Variants in IL1RAPL1 observed in about 807,000 individuals in gnomAD.
IL1RAPL1 encodes the protein interleukin-1 receptor accessory protein-like 1.
A neutral mutation model predicts 48.4 loss-of-function variants in IL1RAPL1; 3 were observed. The observed-to-expected ratio is 0.06, with a 90% CI of 0.03 to 0.16. IL1RAPL1 has a LOEUF of 0.16. Ranked by LOEUF, IL1RAPL1 falls within the 10% of genes least tolerant of loss-of-function variation. IL1RAPL1 has a pLI of 1.00. For missense variants in IL1RAPL1, 349 were observed against 530.6 expected (o/e 0.66, Z 3.36); for synonymous variants, 185 against 187.7 (o/e 0.99, Z 0.12).
chrX:28,788,844 A>T (rs1181958022), intron 1 of IL1RAPL1, among the ~76,000 whole-genome samples: 3 of 111,593 alleles, frequency 2.7e-5, no homozygotes, highest in Non-Finnish European at 5.6e-5. Context: ...TTGAAAGAAA[A>T]TTATAAAATC....
At chrX:28,991,908 A>T (rs1198071493) in intron 2 of IL1RAPL1, among the ~76,000 whole-genome samples, 1 of 112,020 alleles carries the variant, frequency 8.9e-6, no homozygotes, top group Admixed American at 9.5e-5. Context: ...AATTATGTGA[A>T]TAATAAAATA....
intron 2 of IL1RAPL1, among the ~76,000 whole-genome samples, chrX:28,900,644 A>G: frequency 8.9e-6 from 1 of 112,453 alleles, no homozygotes; most frequent in Non-Finnish European, 1.9e-5. Flanking sequence ...ACCTTTTTCT[A>G]GTATGCTCCT....
At chrX:29,072,372 A>G (rs1310385476) in intron 2 of IL1RAPL1, among the ~76,000 whole-genome samples, 1 of 111,986 alleles carries the variant, frequency 8.9e-6, no homozygotes, top group African/African-American at 3.2e-5. Flanking sequence ...ACAGTATAAT[A>G]TTTTATTCTC....
At chrX:29,614,507 G>A (rs907273807) in intron 5 of IL1RAPL1, among the ~76,000 whole-genome samples, 1 of 112,257 alleles carries the variant, frequency 8.9e-6, no homozygotes, top group Non-Finnish European at 1.9e-5. Flanking sequence ...CTGTGAATTC[G>A]AATGAGAAAG....
At chrX:28,797,090 A>T (rs1936621660) in intron 2 of IL1RAPL1, among the ~76,000 whole-genome samples, 1 of 112,247 alleles carries the variant, frequency 8.9e-6, no homozygotes, top group Non-Finnish European at 1.9e-5. Flanking sequence ...TTTCAGCCAC[A>T]GCTGGAGCAG....
chrX:28,596,746 G>A (rs1261429531), intron 1 of IL1RAPL1, among the ~76,000 whole-genome samples: 1 of 111,574 alleles, frequency 9.0e-6, no homozygotes, highest in African/African-American at 3.3e-5. Context: ...TTGTTACATT[G>A]TATTTTTATT....
At chrX:29,339,021 C>A (rs896416038) in intron 3 of IL1RAPL1, among the ~76,000 whole-genome samples, 1 of 107,590 alleles carries the variant, frequency 9.3e-6, no homozygotes, top group Non-Finnish European at 1.9e-5. Context: ...TCGGCCCACC[C>A]GAGCCGCAGG....
At chrX:28,816,982 C>G (rs1209547455) in intron 2 of IL1RAPL1, among the ~76,000 whole-genome samples, 1 of 110,188 alleles carries the variant, frequency 9.1e-6, no homozygotes, top group Non-Finnish European at 1.9e-5. Flanking sequence ...CTGTTCAGTT[C>G]TCAATAAATC....
chrX:28,889,277 C>T (rs771571159), intron 2 of IL1RAPL1, among the ~76,000 whole-genome samples: 1 of 111,276 alleles, frequency 9.0e-6, no homozygotes, highest in East Asian at 2.8e-4. Context: ...ATTACAATCC[C>T]TAACATTTCT....
chrX:28,720,147 C>A (rs1007464259), intron 1 of IL1RAPL1, among the ~76,000 whole-genome samples: 1 of 110,699 alleles, frequency 9.0e-6, no homozygotes, highest in Non-Finnish European at 1.9e-5. Context: ...CTTTTATTTT[C>A]CTTTCTTTTT....
intron 5 of IL1RAPL1, among the ~76,000 whole-genome samples, chrX:29,504,224 T>C (rs778986516): frequency 9.0e-6 from 1 of 111,647 alleles, no homozygotes; most frequent in South Asian, 3.8e-4. Flanking sequence ...CTTTTCTGAA[T>C]TTGTTGAGGC....
At chrX:28,634,863 A>G (rs2146895353) in intron 1 of IL1RAPL1, among the ~76,000 whole-genome samples, 1 of 111,609 alleles carries the variant, frequency 9.0e-6, no homozygotes, top group South Asian at 3.7e-4. Context: ...TTTTAATTAT[A>G]TCATTTATAC....
intron 5 of IL1RAPL1, among the ~76,000 whole-genome samples, chrX:29,588,568 C>T (rs765606070): frequency 7.1e-5 from 8 of 111,979 alleles, no homozygotes; most frequent in South Asian, 3.7e-4. Context: ...AATATAATTT[C>T]GGAATTTGTG....
chrX:28,963,457 G>T (rs1310428216), intron 2 of IL1RAPL1, among the ~76,000 whole-genome samples: 1 of 110,393 alleles, frequency 9.1e-6, no homozygotes, highest in African/African-American at 3.3e-5. Context: ...ATCTGTAATT[G>T]ATATCAATAA....
intron 2 of IL1RAPL1, among the ~76,000 whole-genome samples, chrX:28,795,710 A>G (rs1420739973): frequency 9.0e-6 from 1 of 110,875 alleles, no homozygotes; most frequent in Non-Finnish European, 1.9e-5. Context: ...ATTATTGCTT[A>G]TAATAAGTAA....
intron 6 of IL1RAPL1, among the ~76,000 whole-genome samples, chrX:29,711,043 G>GGT (rs768108356): frequency 0.016 from 1,137 of 69,105 alleles, 12 homozygotes; most frequent in Admixed American, 0.035. Flanking sequence ...CCATGAGCAT[G>GGT]GTGTGTGTGT....
intron 5 of IL1RAPL1, among the ~76,000 whole-genome samples, chrX:29,518,556 A>C (rs1569329217): frequency 9.0e-6 from 1 of 111,061 alleles, no homozygotes; most frequent in Non-Finnish European, 1.9e-5. Flanking sequence ...AAGGTGGGGG[A>C]ATTTAGCTAT....
At chrX:29,486,612 CAAAAAAAAAAAAA>C (rs768358495) in intron 5 of IL1RAPL1, among the ~76,000 whole-genome samples, 2 of 40,917 alleles carry the variant, frequency 4.9e-5, no homozygotes, top group Non-Finnish European at 8.1e-5. Flanking sequence ...AAGTGCTATA[CAAAAAAAAAAAAA>C]AAAAAAAAAA....
At chrX:29,494,418 C>T in intron 5 of IL1RAPL1, among the ~76,000 whole-genome samples, 1 of 111,773 alleles carries the variant, frequency 8.9e-6, no homozygotes, top group Admixed American at 9.5e-5. Flanking sequence ...TTATGAATAG[C>T]AAGATGCTGG....
Sources: gnomAD v4.1 joint callset for allele counts (sites outside exome capture counted in the v4.1 genomes callset) on GRCh38, gnomAD v4.1.1 for gene constraint, MANE v1.5 for transcripts, NCBI Gene and HGNC (gene_info 2026-07-23, HGNC 2026-07-21) for gene names.